The following HLCS variants were observed in gnomAD, a reference collection of about 807,000 sequenced individuals.
The protein encoded by HLCS is holocarboxylase synthetase.
In HLCS, 53 loss-of-function variants were observed where a neutral mutation model predicts 75.0. The observed-to-expected ratio is 0.71, with a 90% CI of 0.57 to 0.89. The LOEUF (loss-of-function observed/expected upper bound fraction) is 0.89. Among genes scored for constraint, HLCS ranks in the 40% least tolerant of loss-of-function variants. HLCS has a pLI of 0.00. For missense variants in HLCS, 966 were observed against 1,074.0 expected, an observed-to-expected ratio of 0.90 and a Z score of 1.41; for synonymous variants, 431 against 428.6, an observed-to-expected ratio of 1.01 and a Z score of -0.07.
intron 6 of HLCS, among the ~76,000 whole-genome samples, chr21:36,878,531 A>G (rs2146261358): frequency 6.6e-6 from 1 of 152,278 alleles, no homozygotes; most frequent in South Asian, 2.1e-4. Context: ...CATACTTACC[A>G]TTGTATTTAA....
intron 6 of HLCS, among the ~76,000 whole-genome samples, chr21:36,836,909 G>A (rs565444521): frequency 6.6e-6 from 1 of 152,260 alleles, no homozygotes; most frequent in Non-Finnish European, 1.5e-5. Flanking sequence ...CGGCGGCTGG[G>A]CACGGTGGTT....
chr21:36,776,882 T>C (rs1433705358), intron 6 of HLCS, among the ~76,000 whole-genome samples: 2 of 152,252 alleles, frequency 1.3e-5, no homozygotes, highest in African/African-American at 2.4e-5. Context: ...GACATAAAAA[T>C]TTGAATTTTA....
chr21:36,914,406 A>T (rs1450243954), intron 5 of HLCS, among the ~76,000 whole-genome samples: 1 of 152,206 alleles, frequency 6.6e-6, no homozygotes, highest in Non-Finnish European at 1.5e-5. Flanking sequence ...AACTTGCCAC[A>T]GGGCTTTCTA....
At chr21:36,905,397 T>C (rs559399719) in intron 5 of HLCS, among the ~76,000 whole-genome samples, 1 of 152,318 alleles carries the variant, frequency 6.6e-6, no homozygotes, top group South Asian at 2.1e-4. Context: ...TTTGAAATCA[T>C]TACAGCTAGT....
At chr21:36,830,197 C>T (rs1404893830) in intron 6 of HLCS, among the ~76,000 whole-genome samples, 1 of 152,132 alleles carries the variant, frequency 6.6e-6, no homozygotes, top group Non-Finnish European at 1.5e-5. Flanking sequence ...CTCTCACGGC[C>T]TCAGAAGGAG....
At chr21:36,955,667 G>A (rs1301682269) in intron 2 of HLCS, among the ~76,000 whole-genome samples, 1 of 152,132 alleles carries the variant, frequency 6.6e-6, no homozygotes, top group East Asian at 1.9e-4. Flanking sequence ...TATCGAAGAA[G>A]AAGGCTGTTA....
rs1035975316 is a variant in HLCS at position 36,750,831 on chromosome 21, AAAGTC to A, written c.*3410_*3414del. ...TTGGGGGGAAAAACTGTTCAGATGAAAAGTCAAGTCAAGAAGTTTCCACAAAAGAA... is the reference window on the plus strand; with the variant it reads ...TTGGGGGGAAAAACTGTTCAGATGAAAAGTCAAGAAGTTTCCACAAAAGAA... On this transcript the variant is annotated 3_prime_UTR_variant, in exon 11 of 11. Transcript: ENST00000674895. 7.9e-5 allele frequency: 12 copies of A among 151,904 alleles called. No individual in the cohort carries two copies. Among genetic ancestry groups the A allele is most frequent in the East Asian group, 3.9e-4 (2 of 5,180 alleles). 9.4% of individuals were successfully genotyped at this position (151,904 alleles called of 1,614,324 possible). A position where few individuals can be genotyped will look rare whatever the true frequency, so the allele number is the denominator to read the frequency against.
chr21:36,797,955 C>G (rs1265532114), intron 6 of HLCS, among the ~76,000 whole-genome samples: 1 of 152,118 alleles, frequency 6.6e-6, no homozygotes, highest in Non-Finnish European at 1.5e-5. Context: ...TATGCAAATA[C>G]AGACACAAAT....
chr21:36,851,915 A>G (rs2063019179), intron 6 of HLCS: 1 of 152,280 alleles, frequency 6.6e-6, no homozygotes, highest in Admixed American at 6.5e-5. Flanking sequence ...ACAGTAGTCT[A>G]TGGCCGTAAG....
chr21:36,773,988 A>T (rs2060282948), intron 6 of HLCS, among the ~76,000 whole-genome samples: 1 of 152,218 alleles, frequency 6.6e-6, no homozygotes, highest in Non-Finnish European at 1.5e-5. Context: ...CTTTAACAAT[A>T]CGATTGATTT....
chr21:36,843,762 G>A (rs554199606), intron 6 of HLCS, among the ~76,000 whole-genome samples: 44 of 147,028 alleles, frequency 3.0e-4, no homozygotes, highest in Non-Finnish European at 5.4e-4. Context: ...CAACACTTAA[G>A]GAGGTCGAGA....
At chr21:36,924,539 G>A (rs941360741) in intron 5 of HLCS, among the ~76,000 whole-genome samples, 3 of 152,126 alleles carry the variant, frequency 2.0e-5, no homozygotes, top group African/African-American at 4.8e-5. Flanking sequence ...CAGCCTAGGC[G>A]ACAAGAGCAA....
chr21:36,897,091 A>G lies in HLCS; in HGVS notation c.1661T>C (p.Val554Ala). The change falls in exon 6 of 11, where the codon GTG becomes GCG. Residue 554 changes from valine (V) to alanine (A), a missense_variant. By Grantham distance (64) the Val-to-Ala change is moderately conservative. Transcript: ENST00000674895. The part of the protein sequence containing the change: ...DPLMQWLGKH[V>A]DSEGEIKSGQ... ...GGATTTTATTTCTCCCTCGGAGTCCACATGTTTCCCAAGCCACTGCATAAG... is the reference window on the plus strand; with the variant it reads ...GGATTTTATTTCTCCCTCGGAGTCCGCATGTTTCCCAAGCCACTGCATAAG... 1 of 1,614,116 alleles carries G rather than the reference A, an allele frequency of 6.2e-7. No individual in the cohort carries two copies. Among genetic ancestry groups the G allele is most frequent in the Non-Finnish European group, 8.5e-7 (1 of 1,179,996 alleles).
At chr21:36,953,383 C>T (rs1464493033) in intron 2 of HLCS, among the ~76,000 whole-genome samples, 3 of 152,046 alleles carry the variant, frequency 2.0e-5, no homozygotes, top group African/African-American at 4.8e-5. Flanking sequence ...CAAGAGAGAA[C>T]CACTACCTAG....
At chr21:36,765,406 A>T (rs2089996601) in intron 7 of HLCS, among the ~76,000 whole-genome samples, 1 of 152,246 alleles carries the variant, frequency 6.6e-6, no homozygotes, top group South Asian at 2.1e-4. Flanking sequence ...TGAGCATATC[A>T]TTTGTGCCTT....
intron 5 of HLCS, among the ~76,000 whole-genome samples, chr21:36,925,552 T>G (rs1569200862): frequency 1.3e-5 from 2 of 152,172 alleles, no homozygotes; most frequent in Non-Finnish European, 2.9e-5. Flanking sequence ...CCGACCTTCC[T>G]AGGGGTGGCA....
chr21:36,916,517 A>ATTTTTTTTTTTTTT (rs1569188583), intron 5 of HLCS, among the ~76,000 whole-genome samples: 2 of 136,540 alleles, frequency 1.5e-5, no homozygotes. Flanking sequence ...ATGCCTAGCT[A>ATTTTTTTTTTTTTT]ATTTTTTTTT....
chr21:36,955,635 T>C (rs1210858072), intron 2 of HLCS, among the ~76,000 whole-genome samples: 2 of 152,204 alleles, frequency 1.3e-5, no homozygotes, highest in Admixed American at 1.3e-4. Context: ...AAAAATATGA[T>C]AGTAAGCTAA....
chr21:36,843,289 T>C (rs1317476100), intron 6 of HLCS, among the ~76,000 whole-genome samples: 1 of 151,744 alleles, frequency 6.6e-6, no homozygotes, highest in East Asian at 2.0e-4. Context: ...AAATAAAAAA[T>C]TAGCCAGGTG....
Sources: gnomAD v4.1 joint callset for allele counts (sites outside exome capture counted in the v4.1 genomes callset) on GRCh38, gnomAD v4.1.1 for gene constraint, MANE v1.5 for transcripts, NCBI Gene and HGNC (gene_info 2026-07-23, HGNC 2026-07-21) for gene names.